Variants in INO80D observed in about 807,000 individuals in gnomAD.
INO80D encodes INO80 complex subunit D.
Under a neutral mutation model 87.6 loss-of-function variants are expected in INO80D, and 21 were observed. The ratio of observed to expected loss-of-function variants is 0.24; its 90% CI spans 0.17 to 0.35. INO80D has a LOEUF of 0.35. Ranked by LOEUF, INO80D falls within the 10% of genes least tolerant of loss-of-function variation. INO80D has a pLI of 1.00. For synonymous variants in INO80D, 440 were observed against 491.0 expected, an observed-to-expected ratio of 0.90 and a Z score of 1.37; for missense variants, 982 against 1,280.7, an observed-to-expected ratio of 0.77 and a Z score of 3.56.
intron 5 of INO80D, among the ~76,000 whole-genome samples, chr2:206,036,385 T>C (rs765849843): frequency 9.2e-5 from 14 of 152,066 alleles, no homozygotes; most frequent in Non-Finnish European, 1.8e-4. Context: ...TGGTATATGA[T>C]GGAATACTAC....
intron 5 of INO80D, among the ~76,000 whole-genome samples, chr2:206,043,359 A>G (rs1689104703): frequency 6.6e-6 from 1 of 152,062 alleles, no homozygotes; most frequent in African/African-American, 2.4e-5. Context: ...TTTAGTAGAG[A>G]TGGGGTTTCA....
Position 206,004,519 on chromosome 2 carries a change from G to C in INO80D, c.2933C>G (p.Ala978Gly). 6.2e-7 allele frequency: 1 copy of C among 1,610,618 alleles called. No homozygotes were observed. The highest frequency in any genetic ancestry group is 8.5e-7 in the Non-Finnish European group (1 of 1,178,474). Residue 978 changes from alanine (A) to glycine (G), a missense_variant, in exon 11 of 11, where the codon GCC becomes GGC. Coordinates refer to ENST00000403263, the MANE Select transcript of INO80D (RefSeq NM_017759.5). This position sits in a 1 kb window ranked among gnomAD's most constrained non-coding sequence, Gnocchi z 4.9. ...GTGAGAACTCAGCTGGTGGCCAAAG[G>C]CTGCGCTGAACTGAGGGAGTTGCTG... is the stretch of plus-strand genomic sequence containing the variant. ...PKQQLPQFSA[A>G]FGHQLSSHSG... is the part of the protein sequence containing the mutation.
chr2:206,067,202 G>A (rs1466295719), intron 1 of INO80D, among the ~76,000 whole-genome samples: 2 of 150,938 alleles, frequency 1.3e-5, no homozygotes, highest in East Asian at 3.9e-4. Flanking sequence ...AGCCAAGATC[G>A]CACCACTGCA....
chr2:206,041,253 A>G (rs953178836), intron 5 of INO80D, among the ~76,000 whole-genome samples: 1 of 152,204 alleles, frequency 6.6e-6, no homozygotes, highest in African/African-American at 2.4e-5. Flanking sequence ...AAATACTCCA[A>G]ATAAAAAGCA....
At chr2:206,074,371 T>C (rs1483059462) in intron 1 of INO80D, among the ~76,000 whole-genome samples, 1 of 152,166 alleles carries the variant, frequency 6.6e-6, no homozygotes, top group Non-Finnish European at 1.5e-5. Context: ...CCCAGCACTT[T>C]GGGAGGCCAA....
At chr2:206,080,769 T>TG (rs1469939053) in intron 1 of INO80D, among the ~76,000 whole-genome samples, 2 of 151,012 alleles carry the variant, frequency 1.3e-5, no homozygotes, top group African/African-American at 4.9e-5. Flanking sequence ...TAGCCGGGTG[T>TG]GCGGGCGCCT....
rs1453065648 is a variant in INO80D at position 206,004,017 on chromosome 2, G to T, written c.*351C>A. The T allele has an allele frequency of 7.0e-6, 2 of 283,850 alleles. No homozygotes were observed. The highest frequency in any genetic ancestry group is 6.8e-6 in the Non-Finnish European group (1 of 147,736). The allele number at this position is 283,850 out of a possible 1,614,324, so 17.6% of individuals were successfully genotyped here. ...TAAAAACCTGGCAACAGAATGGAAA[G>T]CACTGATCTGAATACTAGGAAATAG... On this transcript the variant is annotated 3_prime_UTR_variant, in exon 11 of 11. Transcript: ENST00000403263. This position sits in a 1 kb window ranked among gnomAD's most constrained non-coding sequence, Gnocchi z 4.9.
intron 8 of INO80D, among the ~76,000 whole-genome samples, chr2:206,014,273 CA>C (rs1340497003): frequency 6.6e-6 from 1 of 151,686 alleles, no homozygotes; most frequent in African/African-American, 2.4e-5. Flanking sequence ...ACAAATTTTT[CA>C]AAACATATTG....
At chr2:206,037,686 A>G (rs1442675283) in intron 5 of INO80D, among the ~76,000 whole-genome samples, 2 of 152,160 alleles carry the variant, frequency 1.3e-5, no homozygotes, top group Non-Finnish European at 2.9e-5. Flanking sequence ...TAAAAATAGA[A>G]CTATAGAACT....
At position 205,997,892 on chromosome 2, in the gene INO80D, T is replaced by C. The variant is rs777134057; in HGVS notation, c.*6476A>G. The C allele has an allele frequency of 3.3e-5, 5 of 152,200 alleles. No homozygotes were observed. The highest frequency in any genetic ancestry group is 7.4e-5 in the Non-Finnish European group (5 of 68,002). 9.4% of individuals were successfully genotyped at this position (152,200 alleles called of 1,614,324 possible). ...TCGGTTACCTTTATCTATTTTTATATAAGCACACATTCATATCTCTCACAC... is the reference window on the plus strand; with the variant it reads ...TCGGTTACCTTTATCTATTTTTATACAAGCACACATTCATATCTCTCACAC... On this transcript the variant is annotated 3_prime_UTR_variant, in exon 11 of 11. Transcript: ENST00000403263.
intron 7 of INO80D, among the ~76,000 whole-genome samples, chr2:206,018,928 T>G (rs1275022476): frequency 6.6e-6 from 1 of 152,070 alleles, no homozygotes; most frequent in Non-Finnish European, 1.5e-5. Context: ...GAGCTTTACA[T>G]CATCAATATT....
intron 1 of INO80D, among the ~76,000 whole-genome samples, chr2:206,077,803 C>T (rs1218533610): frequency 6.6e-6 from 1 of 152,104 alleles, no homozygotes; most frequent in African/African-American, 2.4e-5. Flanking sequence ...ACTTTTCCGC[C>T]TTCAGCTAAC....
Position 206,045,680 on chromosome 2 carries a change from G to A in INO80D, c.1073+824C>T, listed in dbSNP as rs998682198. On this transcript the variant is annotated intron_variant, in intron 5 of 10. Coordinates refer to ENST00000403263, the MANE Select transcript of INO80D (RefSeq NM_017759.5). Reference sequence around the variant, plus strand: ...TATACCCCGACAGCTTTCCAATAAGGAAGGTACAAAGAAAACCCCTCAGGA... The same window carrying A: ...TATACCCCGACAGCTTTCCAATAAGAAAGGTACAAAGAAAACCCCTCAGGA... 2.6e-5 allele frequency among the ~76,000 whole-genome samples: 4 copies of A among 151,334 alleles called. No homozygotes were observed. In the South Asian group the frequency reaches 6.3e-4, roughly 24 times the overall value.
intron 1 of INO80D, among the ~76,000 whole-genome samples, chr2:206,071,856 C>A (rs1689981106): frequency 6.6e-6 from 1 of 152,050 alleles, no homozygotes; most frequent in African/African-American, 2.4e-5. Context: ...TGACTCCATG[C>A]TGGACTATGT....
Position 206,062,759 on chromosome 2 carries a change from T to G in INO80D, c.218+40A>C, listed in dbSNP as rs1390265435. ...AAGAAAAGAAAAAATTCCAAGCCTG[T>G]TAATGAAATCAAGGATTGATTCTCA... is the stretch of plus-strand genomic sequence containing the variant. On this transcript the variant is annotated intron_variant, in intron 3 of 10. Coordinates refer to ENST00000403263, the MANE Select transcript of INO80D (RefSeq NM_017759.5). The surrounding 1 kb of genome is among the most constrained non-coding windows in gnomAD (Gnocchi z 4.6). 6.6e-7 allele frequency: 1 copy of G among 1,519,194 alleles called. No individual in the cohort carries two copies. Among genetic ancestry groups the G allele is most frequent in the East Asian group, 2.3e-5 (1 of 43,572 alleles). The allele number at this position is 1,519,194 out of a possible 1,614,324, so 94.1% of individuals were successfully genotyped here.
In INO80D at chr2:206,050,496, G is replaced by GAAA. The variant is rs3079265; in HGVS notation, c.965-3887_965-3885dup. Among the ~76,000 whole-genome samples the GAAA allele has an allele frequency of 2.3e-4, 23 of 99,574 alleles. 2 individuals carry two copies. The highest frequency in any genetic ancestry group is 1.8e-3 in the East Asian group (5 of 2,770). The allele number at this position is 99,574 out of a possible 152,430, so 65.3% of individuals were successfully genotyped here. On this transcript the variant is annotated intron_variant, in intron 4 of 10. Coordinates refer to ENST00000403263, the MANE Select transcript of INO80D (RefSeq NM_017759.5). ...GACAGAGCAGGACTCCGTCTCAAAA[G>GAAA]AAAAAAAAAAAAAAAAAAAAAAAAA...
At position 206,000,346 on chromosome 2, in the gene INO80D, A is replaced by C. The variant is rs1687887916; in HGVS notation, c.*4022T>G. 6.6e-6 allele frequency: 1 copy of C among 151,486 alleles called. No individual in the cohort carries two copies. The highest frequency in any genetic ancestry group is 1.5e-5 in the Non-Finnish European group (1 of 67,948). The allele number at this position is 151,486 out of a possible 1,614,324, so 9.4% of individuals were successfully genotyped here. A position where few individuals can be genotyped will look rare whatever the true frequency, so the allele number is the denominator to read the frequency against. On this transcript the variant is annotated 3_prime_UTR_variant, in exon 11 of 11. Coordinates refer to ENST00000403263, the MANE Select transcript of INO80D (RefSeq NM_017759.5). Reference sequence around the variant, plus strand: ...CCTGGAGGAGAGGAGATTGCCTTACACGTGCACTGCTGACCGATGATGCCC... The same window carrying C: ...CCTGGAGGAGAGGAGATTGCCTTACCCGTGCACTGCTGACCGATGATGCCC...
intron 5 of INO80D, among the ~76,000 whole-genome samples, chr2:206,035,809 A>G (rs922579650): frequency 4.6e-5 from 7 of 152,182 alleles, no homozygotes; most frequent in Non-Finnish European, 4.4e-5. Flanking sequence ...AGTGGGAGAA[A>G]CTCTTCACAA....
intron 1 of INO80D, among the ~76,000 whole-genome samples, chr2:206,071,355 T>C (rs1419813309): frequency 7.9e-6 from 1 of 126,398 alleles, no homozygotes; most frequent in Non-Finnish European, 1.6e-5. Flanking sequence ...CCAAGCTGGA[T>C]TGAACTCCTG....
Sources: gnomAD v4.1 joint callset for allele counts (sites outside exome capture counted in the v4.1 genomes callset) on GRCh38, gnomAD v4.1.1 for gene constraint, Gnocchi (gnomAD v3.1) non-coding constraint, MANE v1.5 for transcripts, NCBI Gene and HGNC (gene_info 2026-07-23, HGNC 2026-07-21) for gene names.